Variants in VPS35L observed in about 807,000 individuals in gnomAD.
VPS35L encodes the protein VPS35 endosomal protein sorting factor like, also known as VPS35 endosomal protein-sorting factor-like.
Under a neutral mutation model 133.0 loss-of-function variants are expected in VPS35L, and 83 were observed. The ratio of observed to expected loss-of-function variants is 0.62; its 90% CI spans 0.52 to 0.75. VPS35L has a LOEUF of 0.75. VPS35L is among the 30% of genes least tolerant of loss of function. The probability of loss-of-function intolerance (pLI) is 0.00; values close to 1 mark genes in which losing one functional copy is unlikely to be tolerated. For synonymous variants in VPS35L, 423 were observed against 449.9 expected (o/e 0.94, Z 0.76); for missense variants, 1,083 against 1,206.8 (o/e 0.90, Z 1.52).
chr16:19,637,615 G>A lies in VPS35L; in HGVS notation c.1657G>A (p.Val553Ile). The part of the protein sequence containing the change: ...YPQLQLIIKK[V>I]IAHFHDFSVL... ...ACAGCTTCAGTTAATAATTAAGAAAGTTATTGCCCACTTCCATGACTTCTC... is the reference window on the plus strand; with the variant it reads ...ACAGCTTCAGTTAATAATTAAGAAAATTATTGCCCACTTCCATGACTTCTC... Residue 553 changes from valine (V) to isoleucine (I), a missense_variant, in exon 20 of 31, where the codon GTT becomes ATT. Val to Ile is a conservative substitution (Grantham distance 29, BLOSUM62 3). Transcript: ENST00000417362. The A allele has an allele frequency of 6.4e-7, 1 of 1,567,308 alleles. No individual in the cohort carries two copies.
intron 1 of VPS35L, among the ~76,000 whole-genome samples, chr16:19,562,368 A>G (rs1461902341): frequency 6.6e-6 from 1 of 152,150 alleles, no homozygotes; most frequent in Non-Finnish European, 1.5e-5. Flanking sequence ...AAACACAAAC[A>G]TGGAAATCCA....
chr16:19,589,775 A>G (rs1971982640), intron 7 of VPS35L, among the ~76,000 whole-genome samples: 1 of 152,202 alleles, frequency 6.6e-6, no homozygotes, highest in African/African-American at 2.4e-5. Flanking sequence ...AAATCAATGC[A>G]CAGATGTTTG....
chr16:19,673,935 G>A (rs1355029310), intron 27 of VPS35L, among the ~76,000 whole-genome samples: 1 of 152,150 alleles, frequency 6.6e-6, no homozygotes, highest in African/African-American at 2.4e-5. Flanking sequence ...AGCCGGAAAC[G>A]TTTGCAGTGT....
intron 28 of VPS35L, among the ~76,000 whole-genome samples, chr16:19,686,708 T>G (rs1975473249): frequency 6.6e-6 from 1 of 152,186 alleles, no homozygotes; most frequent in Admixed American, 6.5e-5. Context: ...CTGACCAAAT[T>G]ACTTTTAATT....
chr16:19,593,790 A>G (rs1380641756), intron 8 of VPS35L, among the ~76,000 whole-genome samples: 1 of 151,962 alleles, frequency 6.6e-6, no homozygotes, highest in East Asian at 1.9e-4. Context: ...TGTGGTGCAC[A>G]CCTGTAGTCC....
rs550199334 is a variant in VPS35L, at chr16:19,620,340, C to T, written c.1224+3532C>T. On this transcript the variant is annotated intron_variant, in intron 14 of 30. Coordinates refer to ENST00000417362, the MANE Select transcript of VPS35L (RefSeq NM_020314.7). ...TAGACACAAAGACATGCTCTTTTTC[C>T]CCCAAAAAGTATGCATGTAAAACTT... Among the ~76,000 whole-genome samples, 88 of 152,070 alleles carry T rather than the reference C, an allele frequency of 5.8e-4. 1 individual carries two copies. The highest frequency in any genetic ancestry group is 5.4e-3 in the Admixed American group (82 of 15,268).
At chr16:19,657,590 G>A (rs982541527) in intron 26 of VPS35L, among the ~76,000 whole-genome samples, 4 of 152,144 alleles carry the variant, frequency 2.6e-5, no homozygotes, top group African/African-American at 7.2e-5. Context: ...ATGAGGTCCT[G>A]TCTGTCTGGT....
At chr16:19,631,840 C>G (rs761010009) in intron 18 of VPS35L, among the ~76,000 whole-genome samples, 45 of 152,172 alleles carry the variant, frequency 3.0e-4, no homozygotes, top group African/African-American at 9.4e-4. Context: ...TCCCGAGTGG[C>G]TGGGACCACA....
intron 3 of VPS35L, among the ~76,000 whole-genome samples, chr16:19,570,868 TATATATATATATATATATA>T (rs1971350899): frequency 1.2e-5 from 1 of 85,410 alleles, no homozygotes; most frequent in African/African-American, 5.5e-5. Flanking sequence ...TATATATATA[TATATATATATATATATATA>T]TATTTTTGAG....
chr16:19,681,986 G>A (rs907688996), intron 27 of VPS35L, among the ~76,000 whole-genome samples: 2 of 152,164 alleles, frequency 1.3e-5, no homozygotes, highest in Non-Finnish European at 2.9e-5. Context: ...GATCCAAAAA[G>A]GGATTCTCAA....
At chr16:19,685,069 A>G (rs1283666380) in intron 28 of VPS35L, among the ~76,000 whole-genome samples, 2 of 151,992 alleles carry the variant, frequency 1.3e-5, no homozygotes, top group East Asian at 1.9e-4. Flanking sequence ...AAAAAAAAGC[A>G]ATGTTTTAAT....
chr16:19,647,441 G>T (rs2077177251), intron 23 of VPS35L, among the ~76,000 whole-genome samples: 1 of 152,196 alleles, frequency 6.6e-6, no homozygotes, highest in Admixed American at 6.6e-5. Flanking sequence ...AGCCACCAGT[G>T]AGCTGCCAAG....
chr16:19,685,402 G>T (rs1484951086), intron 28 of VPS35L, among the ~76,000 whole-genome samples: 2 of 152,200 alleles, frequency 1.3e-5, no homozygotes, highest in African/African-American at 4.8e-5. Context: ...GTATTCCTTT[G>T]TGTGGATGTA....
intron 12 of VPS35L, 49 bp downstream of exon 12, chr16:19,610,464 C>G (rs779749283): frequency 6.8e-7 from 1 of 1,469,554 alleles, no homozygotes; most frequent in Non-Finnish European, 9.4e-7. Context: ...CCACCCGTCT[C>G]CTTGAATGTT....
Position 19,601,570 on chromosome 16 carries a change from C to T in VPS35L, c.725-94C>T, listed in dbSNP as rs55755551. On this transcript the variant is annotated intron_variant, in intron 8 of 30. Transcript: ENST00000417362. Reference sequence around the variant, plus strand: ...CATCACAAGTTAAAGCCTGTCTGGGCGATGATAGCTCTGGGTCCCTAATTA... The same window carrying T: ...CATCACAAGTTAAAGCCTGTCTGGGTGATGATAGCTCTGGGTCCCTAATTA... The T allele has an allele frequency of 5.2e-3, 6,426 of 1,243,108 alleles. 269 individuals are homozygous for T. The African/African-American group carries it at 0.086, about 17-fold the overall frequency. The allele number at this position is 1,243,108 out of a possible 1,614,324, so 77.0% of individuals were successfully genotyped here. A position where few individuals can be genotyped will look rare whatever the true frequency, so the allele number is the denominator to read the frequency against.
At chr16:19,601,751 C>G in intron 9 of VPS35L, 28 bp downstream of exon 9, 1 of 1,610,428 alleles carries the variant, frequency 6.2e-7, no homozygotes, top group African/African-American at 1.3e-5. Context: ...CCTGGGGTGT[C>G]ATTCTGCCCT....
At chr16:19,659,383 A>G (rs1974408601) in intron 26 of VPS35L, among the ~76,000 whole-genome samples, 2 of 152,106 alleles carry the variant, frequency 1.3e-5, no homozygotes, top group African/African-American at 4.8e-5. Context: ...TGATGGTACT[A>G]CCGAAGCTAA....
At chr16:19,583,629 C>T (rs1259638580) in intron 7 of VPS35L, among the ~76,000 whole-genome samples, 1 of 150,496 alleles carries the variant, frequency 6.6e-6, no homozygotes, top group South Asian at 2.1e-4. Flanking sequence ...GGCTGAGGCA[C>T]GAGAATTGCG....
At chr16:19,574,978 T>C (rs1274561673) in intron 4 of VPS35L, 120 bp from the exon 5 acceptor site, 1 of 815,556 alleles carries the variant, frequency 1.2e-6, no homozygotes, top group Non-Finnish European at 1.9e-6. Flanking sequence ...TTTTAGTGAC[T>C]GTATTTTTCT....
Sources: gnomAD v4.1 joint callset for allele counts (sites outside exome capture counted in the v4.1 genomes callset) on GRCh38, gnomAD v4.1.1 for gene constraint, MANE v1.5 for transcripts, NCBI Gene and HGNC (gene_info 2026-07-23, HGNC 2026-07-21) for gene names.